The following AKAP6 variants were observed in gnomAD, a reference collection of about 807,000 sequenced individuals.
AKAP6 encodes A-kinase anchoring protein 6.
A neutral mutation model predicts 188.5 loss-of-function variants in AKAP6; 58 were observed. The ratio of observed to expected loss-of-function variants is 0.31; its 90% CI spans 0.25 to 0.38. AKAP6 has a LOEUF of 0.38. AKAP6 is among the 10% of genes least tolerant of loss of function. The pLI is 1.00. For synonymous variants in AKAP6, 989 were observed against 998.6 expected (o/e 0.99, Z 0.18); for missense variants, 2,710 against 2,740.0 (o/e 0.99, Z 0.24).
intron 11 of AKAP6, among the ~76,000 whole-genome samples, chr14:32,750,421 T>G (rs2032078957): frequency 6.6e-6 from 1 of 152,136 alleles, no homozygotes; most frequent in African/African-American, 2.4e-5. Flanking sequence ...GACATTTGCA[T>G]TATATTGAAA....
At chr14:32,672,941 G>A (rs1008530210) in intron 7 of AKAP6, among the ~76,000 whole-genome samples, 1 of 152,150 alleles carries the variant, frequency 6.6e-6, no homozygotes, top group Admixed American at 6.6e-5. Flanking sequence ...TCACAGAAAT[G>A]ACAATAGCTT....
chr14:32,602,246 CTTG>C (rs1885957398), intron 7 of AKAP6, among the ~76,000 whole-genome samples: 1 of 152,090 alleles, frequency 6.6e-6, no homozygotes, highest in Admixed American at 6.6e-5. Flanking sequence ...CAGTTAAAAA[CTTG>C]TTGTAGGAGG....
At chr14:32,556,027 A>G (rs979464780) in intron 4 of AKAP6, among the ~76,000 whole-genome samples, 3 of 150,390 alleles carry the variant, frequency 2.0e-5, no homozygotes, top group African/African-American at 7.4e-5. Flanking sequence ...TCTCCATGCT[A>G]TTTTTCAAAG....
rs146861682 is a variant in AKAP6, at chr14:32,769,552, GTTTT to G, written c.3373-4109_3373-4106del. Among the ~76,000 whole-genome samples, 61 of 146,366 alleles carry G rather than the reference GTTTT, an allele frequency of 4.2e-4. No individual in the cohort carries two copies. In the Middle Eastern group the frequency reaches 0.014, roughly 33 times the overall value. ...TCTGAAAGTGGGAATTGCTTCATGG[GTTTT>G]TTTTTTTTTTTTTTTTAACAGATCA... is the stretch of plus-strand genomic sequence containing the variant. On this transcript the variant is annotated intron_variant, in intron 11 of 13. Transcript: ENST00000280979.
chr14:32,467,580 T>G (rs545566431), intron 2 of AKAP6, among the ~76,000 whole-genome samples: 5 of 152,212 alleles, frequency 3.3e-5, no homozygotes, highest in Admixed American at 1.3e-4. Flanking sequence ...GACATGGAAC[T>G]AAATTGTCAG....
intron 2 of AKAP6, among the ~76,000 whole-genome samples, chr14:32,522,323 C>G (rs1274585033): frequency 2.6e-5 from 4 of 152,042 alleles, no homozygotes; most frequent in African/African-American, 9.7e-5. Flanking sequence ...GCAACAAAAG[C>G]CAAAATTGAC....
intron 7 of AKAP6, among the ~76,000 whole-genome samples, chr14:32,661,056 T>C (rs1888677850): frequency 6.6e-6 from 1 of 150,724 alleles, no homozygotes; most frequent in African/African-American, 2.4e-5. Flanking sequence ...ACTGGGAGAG[T>C]AACATTTCAT....
intron 7 of AKAP6, among the ~76,000 whole-genome samples, chr14:32,629,801 A>T (rs911613661): frequency 2.0e-5 from 3 of 150,940 alleles, no homozygotes; most frequent in African/African-American, 7.4e-5. Flanking sequence ...CTGGCCGGGC[A>T]CAGTGGCTCA....
intron 7 of AKAP6, among the ~76,000 whole-genome samples, chr14:32,651,347 C>G (rs1173029818): frequency 6.6e-6 from 1 of 152,140 alleles, no homozygotes; most frequent in East Asian, 1.9e-4. Flanking sequence ...TTGACCGGCT[C>G]TTTGTCACTA....
chr14:32,475,706 T>C (rs906182346), intron 2 of AKAP6, among the ~76,000 whole-genome samples: 173 of 140,750 alleles, frequency 1.2e-3, no homozygotes, highest in Middle Eastern at 4.2e-3. Flanking sequence ...TGAGACGGAG[T>C]CTCGCTGTGT....
chr14:32,559,442 T>A (rs886371010), intron 4 of AKAP6, among the ~76,000 whole-genome samples: 14 of 152,228 alleles, frequency 9.2e-5, no homozygotes, highest in Non-Finnish European at 2.9e-5. Flanking sequence ...ATCTGAACAA[T>A]TTTTAAATAG....
At chr14:32,785,775 G>A (rs541903493) in intron 12 of AKAP6, among the ~76,000 whole-genome samples, 25 of 152,120 alleles carry the variant, frequency 1.6e-4, no homozygotes, top group Non-Finnish European at 2.9e-4. Flanking sequence ...AGATTCTTAC[G>A]TCATCTGTAC....
At chr14:32,528,026 A>T (rs546295810) in intron 2 of AKAP6, among the ~76,000 whole-genome samples, 1 of 152,200 alleles carries the variant, frequency 6.6e-6, no homozygotes, top group East Asian at 1.9e-4. Flanking sequence ...TCATTGCCAA[A>T]CCCAAGGTAA....
At chr14:32,720,904 T>C (rs1490188102) in intron 9 of AKAP6, among the ~76,000 whole-genome samples, 1 of 152,078 alleles carries the variant, frequency 6.6e-6, no homozygotes, top group Non-Finnish European at 1.5e-5. Context: ...TCAACAGAAA[T>C]AGCTGTGTTT....
At chr14:32,778,487 G>C (rs1258898592) in intron 12 of AKAP6, among the ~76,000 whole-genome samples, 1 of 151,682 alleles carries the variant, frequency 6.6e-6, no homozygotes, top group African/African-American at 2.4e-5. Flanking sequence ...TTTTTGAAAA[G>C]AGGATTAAAG....
intron 12 of AKAP6, among the ~76,000 whole-genome samples, chr14:32,818,605 A>G (rs2143974): frequency 0.16 from 24,394 of 151,994 alleles, 2,119 homozygotes; most frequent in South Asian, 0.26. Context: ...TGGAGGGCCA[A>G]CTATATTTTA....
chr14:32,797,077 G>C (rs2033792706), intron 12 of AKAP6, among the ~76,000 whole-genome samples: 1 of 152,146 alleles, frequency 6.6e-6, no homozygotes, highest in Non-Finnish European at 1.5e-5. Flanking sequence ...ACCACAATGA[G>C]ATACCATCTC....
intron 3 of AKAP6, among the ~76,000 whole-genome samples, chr14:32,539,877 G>A (rs899376055): frequency 1.2e-4 from 18 of 151,970 alleles, no homozygotes; most frequent in African/African-American, 3.4e-4. Context: ...AGTCCATGTA[G>A]ACTAACATGT....
chr14:32,613,030 A>G (rs1217658862), intron 7 of AKAP6, among the ~76,000 whole-genome samples: 1 of 152,232 alleles, frequency 6.6e-6, no homozygotes, highest in African/African-American at 2.4e-5. Context: ...GTACATACAC[A>G]TCCTTCTAGT....
Sources: allele counts gnomAD v4.1 joint callset (sites outside exome capture counted in the v4.1 genomes callset), GRCh38; gene constraint gnomAD v4.1.1; transcripts MANE v1.5; gene names NCBI Gene and HGNC (gene_info 2026-07-23, HGNC 2026-07-21).